The following CCSER1 variants were observed in gnomAD, a reference collection of about 807,000 sequenced individuals.
CCSER1 encodes serine-rich coiled-coil domain-containing protein 1.
In CCSER1, 41 loss-of-function variants were observed where a neutral mutation model predicts 82.0. The ratio of observed to expected loss-of-function variants is 0.50; its 90% confidence interval spans 0.39 to 0.65. CCSER1 has a LOEUF of 0.65. Ranked by LOEUF, CCSER1 falls within the 30% of genes least tolerant of loss-of-function variation. The probability of loss-of-function intolerance (pLI) is 0.00; values close to 1 mark genes in which losing one functional copy is unlikely to be tolerated. For missense variants in CCSER1, 1,119 were observed against 1,064.2 expected, an observed-to-expected ratio of 1.05 and a Z score of -0.72; for synonymous variants, 414 against 383.9, an observed-to-expected ratio of 1.08 and a Z score of -0.92.
Position 90,897,047 on chromosome 4 carries a change from A to AT in CCSER1, c.2095-26321dup, listed in dbSNP as rs796578557. On this transcript the variant is annotated intron_variant, in intron 8 of 10. Transcript: ENST00000509176. ...CAAATTTTTCCTTTTTTCTCTGAAA[A>AT]TTGTATTTCAATTGAATTTTGTTTT... Among the ~76,000 whole-genome samples the AT allele has an allele frequency of 7.9e-5, 12 of 152,052 alleles. No individual in the cohort carries two copies. The South Asian group carries it at 2.1e-3, about 26-fold the overall frequency.
intron 10 of CCSER1, among the ~76,000 whole-genome samples, chr4:91,395,044 G>A (rs945890982): frequency 1.1e-4 from 17 of 152,104 alleles, no homozygotes; most frequent in African/African-American, 3.4e-4. Flanking sequence ...TTGATCTTGT[G>A]ATTAAGCCAG....
chr4:90,922,107 G>A (rs1046580391), intron 8 of CCSER1, among the ~76,000 whole-genome samples: 18 of 152,064 alleles, frequency 1.2e-4, no homozygotes, highest in African/African-American at 3.1e-4. Context: ...AGCACTAGAT[G>A]TTTTGTGATT....
chr4:91,557,251 A>C (rs1367674218), intron 10 of CCSER1, among the ~76,000 whole-genome samples: 1 of 151,408 alleles, frequency 6.6e-6, no homozygotes, highest in Non-Finnish European at 1.5e-5. Flanking sequence ...TGTTTCTGTA[A>C]AATTGTAAAA....
intron 10 of CCSER1, among the ~76,000 whole-genome samples, chr4:91,191,767 C>T (rs1186948739): frequency 1.3e-5 from 2 of 152,176 alleles, no homozygotes; most frequent in African/African-American, 2.4e-5. Flanking sequence ...AATGTGATGG[C>T]AGTGTGTCTT....
chr4:91,583,427 A>T (rs1050397650), intron 10 of CCSER1, among the ~76,000 whole-genome samples: 5 of 151,386 alleles, frequency 3.3e-5, no homozygotes, highest in Non-Finnish European at 7.4e-5. Flanking sequence ...TGTGTGAATT[A>T]TATCTGAGCT....
chr4:90,966,448 G>A (rs11734746), intron 9 of CCSER1, among the ~76,000 whole-genome samples: 3,600 of 152,168 alleles, frequency 0.024, 141 homozygotes, highest in African/African-American at 0.072. Context: ...GATATATTCA[G>A]TACTGAAACA....
intron 10 of CCSER1, among the ~76,000 whole-genome samples, chr4:91,179,270 G>A (rs150496577): frequency 0.013 from 2,046 of 152,222 alleles, 32 homozygotes; most frequent in African/African-American, 0.037. Flanking sequence ...GAATCTGACA[G>A]TTATGTGTCT....
chr4:90,815,002 T>C (rs111705562), intron 7 of CCSER1, among the ~76,000 whole-genome samples: 449 of 152,300 alleles, frequency 2.9e-3, no homozygotes, highest in Non-Finnish European at 4.7e-3. Flanking sequence ...ATTTTCTGTA[T>C]TATCCATTTT....
At chr4:90,719,838 T>G (rs1388804200) in intron 6 of CCSER1, among the ~76,000 whole-genome samples, 1 of 152,202 alleles carries the variant, frequency 6.6e-6, no homozygotes, top group Non-Finnish European at 1.5e-5. Context: ...CATTACACTT[T>G]GGAAGAAAGT....
intron 10 of CCSER1, among the ~76,000 whole-genome samples, chr4:91,435,046 T>G (rs1295069684): frequency 6.6e-6 from 1 of 152,226 alleles, no homozygotes. Flanking sequence ...CCTGCTGGCA[T>G]GTACATGGGC....
intron 8 of CCSER1, among the ~76,000 whole-genome samples, chr4:90,916,965 A>G (rs1727549109): frequency 6.6e-6 from 1 of 152,194 alleles, no homozygotes; most frequent in Non-Finnish European, 1.5e-5. Flanking sequence ...CCACAATGAG[A>G]TACCATCTCA....
rs564907502 is a variant in CCSER1 at position 90,648,284 on chromosome 4, G to GGAAAGAAAGAAAGAAA, written c.1932+20095_1932+20110dup. Among the ~76,000 whole-genome samples the GGAAAGAAAGAAAGAAA allele has an allele frequency of 7.9e-3, 712 of 89,888 alleles. 7 individuals carry two copies. Among genetic ancestry groups the GGAAAGAAAGAAAGAAA allele is most frequent in the East Asian group, 0.021 (71 of 3,454 alleles). 59.0% of individuals were successfully genotyped at this position (89,888 alleles called of 152,430 possible). A position where few individuals can be genotyped will look rare whatever the true frequency, so the allele number is the denominator to read the frequency against. On this transcript the variant is annotated intron_variant, in intron 6 of 10. Coordinates refer to ENST00000509176, the MANE Select transcript of CCSER1 (RefSeq NM_001145065.2). The stretch of plus-strand genomic sequence containing the variant: ...AGAAAGAAAGAGAGAGAGAAAGAAA[G>GGAAAGAAAGAAAGAAA]GAAAGAAAGAAAGAAAGAAAGAAAG...
At chr4:90,926,670 A>C (rs1729102539) in intron 9 of CCSER1, among the ~76,000 whole-genome samples, 1 of 152,060 alleles carries the variant, frequency 6.6e-6, no homozygotes, top group Non-Finnish European at 1.5e-5. Context: ...TTAAAAAAAA[A>C]ATTCAGAGTG....
chr4:90,292,947 T>C (rs889853340), intron 1 of CCSER1, among the ~76,000 whole-genome samples: 2 of 151,988 alleles, frequency 1.3e-5, no homozygotes, highest in African/African-American at 4.8e-5. Flanking sequence ...ATTAGTACTT[T>C]AAAATTCTTT....
At chr4:90,968,115 A>G (rs1734745452) in intron 9 of CCSER1, among the ~76,000 whole-genome samples, 1 of 151,980 alleles carries the variant, frequency 6.6e-6, no homozygotes, top group Non-Finnish European at 1.5e-5. Context: ...AGTAGGTGTA[A>G]GTATCCTGCA....
In CCSER1 at chr4:91,230,768, G is replaced by A. The variant is rs534144898; in HGVS notation, c.2217+144774G>A. Among the ~76,000 whole-genome samples, 11 of 151,738 alleles carry A rather than the reference G, an allele frequency of 7.2e-5. No individual in the cohort carries two copies. In the South Asian group the frequency reaches 2.3e-3, roughly 32 times the overall value. On this transcript the variant is annotated intron_variant, in intron 10 of 10. Transcript: ENST00000509176. ...ATTAAATGAATAAAATCCTTAATCA[G>A]AAGACAATGAATCACAAGTTAAAAC...
chr4:91,459,653 GACTT>G (rs998031264), intron 10 of CCSER1, among the ~76,000 whole-genome samples: 1 of 152,060 alleles, frequency 6.6e-6, no homozygotes, highest in African/African-American at 2.4e-5. Context: ...AAAAAATGGT[GACTT>G]ACTTCTGCTA....
At chr4:90,454,369 T>G (rs1471325988) in intron 4 of CCSER1, among the ~76,000 whole-genome samples, 6 of 151,902 alleles carry the variant, frequency 3.9e-5, no homozygotes, top group African/African-American at 4.8e-5. Context: ...GCTGCCCGAG[T>G]AATAAACTTA....
intron 10 of CCSER1, among the ~76,000 whole-genome samples, chr4:91,309,832 G>T (rs539741465): frequency 6.6e-6 from 1 of 152,054 alleles, no homozygotes; most frequent in East Asian, 1.9e-4. Context: ...ATACGTTAGT[G>T]TATTAGTTTC....
Sources: gnomAD v4.1 joint callset for allele counts (sites outside exome capture counted in the v4.1 genomes callset) on GRCh38, gnomAD v4.1.1 for gene constraint, MANE v1.5 for transcripts, NCBI Gene and HGNC (gene_info 2026-07-23, HGNC 2026-07-21) for gene names.